Variants in ABCB1 observed in about 807,000 individuals in gnomAD.
The protein encoded by ABCB1 is ATP binding cassette subfamily B member 1, also known as ATP-dependent translocase ABCB1.
In ABCB1, 69 loss-of-function variants were observed where a neutral mutation model predicts 142.0. The observed-to-expected ratio is 0.49, with a 90% CI of 0.40 to 0.59. The LOEUF (loss-of-function observed/expected upper bound fraction) is 0.59, where lower values mean the gene tolerates loss of function less well. Ranked by LOEUF, ABCB1 falls within the 20% of genes least tolerant of loss-of-function variation. ABCB1 has a pLI of 0.00. For synonymous variants in ABCB1, 532 were observed against 539.2 expected, an observed-to-expected ratio of 0.99 and a Z score of 0.18; for missense variants, 1,326 against 1,554.7, an observed-to-expected ratio of 0.85 and a Z score of 2.47.
intron 21 of ABCB1, among the ~76,000 whole-genome samples, chr7:87,525,771 T>C (rs1815754930): frequency 6.6e-6 from 1 of 151,816 alleles, no homozygotes. Flanking sequence ...GCAGAGGAAG[T>C]GGAAGGGGAG....
At chr7:87,558,651 A>G (rs1352294565) in intron 8 of ABCB1, among the ~76,000 whole-genome samples, 2 of 152,210 alleles carry the variant, frequency 1.3e-5, no homozygotes, top group East Asian at 1.9e-4. Flanking sequence ...AAATTGACAG[A>G]CAAAATAGTA....
At chr7:87,709,675 A>T (rs1490771403) in intron 1 of ABCB1, among the ~76,000 whole-genome samples, 1 of 152,036 alleles carries the variant, frequency 6.6e-6, no homozygotes, top group African/African-American at 2.4e-5. Context: ...ACATTTCTAG[A>T]GTATGTTTTT....
rs1478459386 is a variant in ABCB1 at position 87,515,118 on chromosome 7, T to C, written c.3282+113A>G. The C allele has an allele frequency of 3.0e-6, 4 of 1,337,244 alleles. No individual in the cohort carries two copies. The South Asian group carries it at 3.8e-5, about 13-fold the overall frequency. The allele number at this position is 1,337,244 out of a possible 1,614,324, so 82.8% of individuals were successfully genotyped here. ...TTTAGGCTCTCAGACTTTATCCAAGTGGGACTGTTGTTTAAAGGTTTGAAA... is the reference window on the plus strand; with the variant it reads ...TTTAGGCTCTCAGACTTTATCCAAGCGGGACTGTTGTTTAAAGGTTTGAAA... On this transcript the variant is annotated intron_variant, in intron 25 of 27. Transcript: ENST00000622132.
At chr7:87,616,430 G>GGTTTT (rs1044370070) in intron 1 of ABCB1, among the ~76,000 whole-genome samples, 89 of 152,226 alleles carry the variant, frequency 5.8e-4, no homozygotes, top group African/African-American at 2.1e-3. Flanking sequence ...ACAATTTCTT[G>GGTTTT]GTTTTGTTTT....
chr7:87,655,362 A>G (rs1244433237), intron 1 of ABCB1, among the ~76,000 whole-genome samples: 1 of 152,174 alleles, frequency 6.6e-6, no homozygotes, highest in Non-Finnish European at 1.5e-5. Flanking sequence ...AAAGTTGCGT[A>G]TATAAACAAT....
At chr7:87,664,953 C>T (rs1467332742) in intron 1 of ABCB1, among the ~76,000 whole-genome samples, 2 of 152,000 alleles carry the variant, frequency 1.3e-5, no homozygotes, top group African/African-American at 2.4e-5. Context: ...TAATGTACCT[C>T]AACATAATAA....
chr7:87,652,384 T>A (rs2130383386), intron 1 of ABCB1, among the ~76,000 whole-genome samples: 1 of 152,168 alleles, frequency 6.6e-6, no homozygotes, highest in African/African-American at 2.4e-5. Flanking sequence ...TTCTGAGTTG[T>A]GCTTCAGCAA....
chr7:87,545,034 G>A (rs1164158491), intron 15 of ABCB1, 35 bp from the exon 16 acceptor site: 1 of 1,592,700 alleles, frequency 6.3e-7, no homozygotes, highest in East Asian at 2.2e-5. Context: ...AAGCTCATTA[G>A]GCTGTGTGTT....
chr7:87,540,191 T>TA (rs1232423792), intron 18 of ABCB1, among the ~76,000 whole-genome samples: 1 of 152,216 alleles, frequency 6.6e-6, no homozygotes, highest in East Asian at 1.9e-4. Flanking sequence ...GTTTTATCTT[T>TA]AAAAATTACA....
In ABCB1 at chr7:87,599,105, T is replaced by G. The variant is rs2129995899; in HGVS notation, c.68+1012A>C. ...TATTTGATTTCCACATTTGTATTTT[T>G]TCTCTTACACTGAAAAGCTTGGTTT... On this transcript the variant is annotated intron_variant, in intron 2 of 27. Transcript: ENST00000622132. 2.0e-5 allele frequency among the ~76,000 whole-genome samples: 3 copies of G among 152,358 alleles called. No individual in the cohort carries two copies. The East Asian group carries it at 5.8e-4, about 29-fold the overall frequency.
At chr7:87,709,344 T>C in intron 1 of ABCB1, 1 of 985,344 alleles carries the variant, frequency 1.0e-6, no homozygotes, top group African/African-American at 1.7e-5. Context: ...CTGTGTCTTT[T>C]AGATGAAATT....
chr7:87,674,078 G>A (rs1826085813), intron 1 of ABCB1, among the ~76,000 whole-genome samples: 1 of 152,178 alleles, frequency 6.6e-6, no homozygotes, highest in African/African-American at 2.4e-5. Context: ...GGAAGCTGCT[G>A]CACTGGAAGG....
upstream of ABCB1, among the ~76,000 whole-genome samples, chr7:87,604,805 A>G (rs904186416): frequency 2.0e-5 from 3 of 152,218 alleles, no homozygotes; most frequent in African/African-American, 7.2e-5. Context: ...GTCGATGGCA[A>G]ATGGAAACCT....
At position 87,629,087 on chromosome 7, in the gene ABCB1, C is replaced by T. The variant is rs1820927071; in HGVS notation, c.-330-28009G>A. ...ATGTTGCGCCAGCCAAATCTGTGAG[C>T]GCGCAGCTCCTTGGACAGGGGCCCG... On this transcript the variant is annotated intron_variant, in intron 1 of 28. Transcript: ENST00000265724. 1.8e-5 allele frequency: 14 copies of T among 780,808 alleles called. No homozygotes were observed. In the Admixed American group the frequency reaches 2.2e-4, roughly 12 times the overall value. The allele number at this position is 780,808 out of a possible 1,614,324, so 48.4% of individuals were successfully genotyped here. A position where few individuals can be genotyped will look rare whatever the true frequency, so the allele number is the denominator to read the frequency against.
intron 1 of ABCB1, chr7:87,627,785 ACT>A (rs1275564820): frequency 6.6e-6 from 1 of 151,880 alleles, no homozygotes; most frequent in Non-Finnish European, 1.5e-5. Flanking sequence ...ACGCGAAAAG[ACT>A]CTACACTGGC....
chr7:87,655,555 C>T (rs751977758), intron 1 of ABCB1, among the ~76,000 whole-genome samples: 8 of 151,928 alleles, frequency 5.3e-5, no homozygotes, highest in Non-Finnish European at 7.4e-5. Flanking sequence ...TGGTGGTTAC[C>T]GTGTGCTGGA....
At chr7:87,514,758 A>C (rs1211200025) in intron 25 of ABCB1, among the ~76,000 whole-genome samples, 2 of 152,176 alleles carry the variant, frequency 1.3e-5, no homozygotes, top group Admixed American at 6.5e-5. Context: ...TACTTCACTA[A>C]GAATATTTTA....
intron 4 of ABCB1, among the ~76,000 whole-genome samples, chr7:87,583,403 G>A (rs1365746710): frequency 6.6e-6 from 1 of 152,148 alleles, no homozygotes; most frequent in Non-Finnish European, 1.5e-5. Flanking sequence ...CCTCTTAAGA[G>A]AATAACAAAA....
chr7:87,566,037 A>T, intron 7 of ABCB1, 33 bp downstream of exon 7: 1 of 1,612,758 alleles, frequency 6.2e-7, no homozygotes, highest in Non-Finnish European at 8.5e-7. Context: ...GAGAAGGTGC[A>T]GTTCAAAATC....
Sources: gnomAD v4.1 joint callset for allele counts (sites outside exome capture counted in the v4.1 genomes callset) on GRCh38, gnomAD v4.1.1 for gene constraint, MANE v1.5 for transcripts, NCBI Gene and HGNC (gene_info 2026-07-23, HGNC 2026-07-21) for gene names.